Variants in CDC42BPA observed in about 807,000 individuals in gnomAD.
The protein encoded by CDC42BPA is CDC42 binding protein kinase alpha, also known as serine/threonine-protein kinase MRCK alpha.
A neutral mutation model predicts 223.5 loss-of-function variants in CDC42BPA; 80 were observed. The observed-to-expected ratio is 0.36, with a 90% CI of 0.30 to 0.43. The LOEUF (loss-of-function observed/expected upper bound fraction) is 0.43. Ranked by LOEUF, CDC42BPA falls within the 20% of genes least tolerant of loss-of-function variation. The probability of loss-of-function intolerance (pLI) is 1.00; values close to 1 mark genes in which losing one functional copy is unlikely to be tolerated. For synonymous variants in CDC42BPA, 694 were observed against 718.6 expected (o/e 0.97, Z 0.55); for missense variants, 1,743 against 2,099.9 (o/e 0.83, Z 3.32).
chr1:227,067,511 T>A (rs1005751953), intron 21 of CDC42BPA, among the ~76,000 whole-genome samples: 2 of 152,180 alleles, frequency 1.3e-5, no homozygotes, highest in Non-Finnish European at 2.9e-5. Flanking sequence ...TATGGAAATA[T>A]CATATTGAAT....
chr1:226,999,739 C>T (rs11577007), intron 35 of CDC42BPA, among the ~76,000 whole-genome samples: 56,747 of 151,872 alleles, frequency 0.37, 11,334 homozygotes, highest in Non-Finnish European at 0.46. Flanking sequence ...GAAAATGTGG[C>T]ACATATACAC....
At chr1:227,122,301 T>C (rs528545570) in intron 11 of CDC42BPA, among the ~76,000 whole-genome samples, 2 of 152,362 alleles carry the variant, frequency 1.3e-5, no homozygotes, top group Admixed American at 1.3e-4. Flanking sequence ...TTCTTTCTTC[T>C]ACTTCTGAAG....
intron 1 of CDC42BPA, among the ~76,000 whole-genome samples, chr1:227,290,056 A>G (rs780306337): frequency 3.3e-5 from 5 of 152,072 alleles, no homozygotes; most frequent in Admixed American, 6.6e-5. Context: ...AAAAACAAAT[A>G]TATATATTCA....
intron 1 of CDC42BPA, among the ~76,000 whole-genome samples, chr1:227,281,770 T>C (rs1688050512): frequency 6.6e-6 from 1 of 152,192 alleles, no homozygotes; most frequent in Non-Finnish European, 1.5e-5. Context: ...AGATCAGCAC[T>C]GCCCAAAGAC....
chr1:227,281,296 T>C (rs768450544), intron 1 of CDC42BPA, among the ~76,000 whole-genome samples: 4 of 152,162 alleles, frequency 2.6e-5, no homozygotes, highest in African/African-American at 9.7e-5. Context: ...GAGTAGGTCA[T>C]TGCCCTAACC....
intron 14 of CDC42BPA, among the ~76,000 whole-genome samples, chr1:227,105,960 G>A (rs973521368): frequency 2.0e-5 from 3 of 152,158 alleles, no homozygotes; most frequent in African/African-American, 4.8e-5. Context: ...ATATACCTAG[G>A]AGTGGAATGG....
At chr1:227,208,244 T>A (rs962619495) in intron 3 of CDC42BPA, among the ~76,000 whole-genome samples, 1 of 151,580 alleles carries the variant, frequency 6.6e-6, no homozygotes, top group African/African-American at 2.4e-5. Flanking sequence ...TTGAGTTCAT[T>A]GTAGATTCTG....
chr1:227,174,592 A>AC (rs1451827292), intron 5 of CDC42BPA, among the ~76,000 whole-genome samples: 1 of 152,170 alleles, frequency 6.6e-6, no homozygotes, highest in Non-Finnish European at 1.5e-5. Context: ...GGTACACTTT[A>AC]CTCAACCACA....
At chr1:227,273,855 AG>A (rs1686409076) in intron 1 of CDC42BPA, among the ~76,000 whole-genome samples, 1 of 90,038 alleles carries the variant, frequency 1.1e-5, no homozygotes, top group East Asian at 3.9e-4. Context: ...GGAAGAAACA[AG>A]GAAAAAAAAA....
At chr1:227,197,415 T>A (rs1382114530) in intron 4 of CDC42BPA, among the ~76,000 whole-genome samples, 3 of 152,088 alleles carry the variant, frequency 2.0e-5, no homozygotes, top group Non-Finnish European at 4.4e-5. Context: ...ACTACTAGAG[T>A]GTTTCATTCC....
Position 227,005,667 on chromosome 1 carries a change from C to A in CDC42BPA, c.4858-556G>T, listed in dbSNP as rs117134830. On this transcript the variant is annotated intron_variant, in intron 34 of 36. Transcript: ENST00000366766. Reference sequence around the variant, plus strand: ...AAATAAGACGCTGCAATACTCACAACCTAGGTGAAGTTAGTTAATTTGGGA... The same window carrying A: ...AAATAAGACGCTGCAATACTCACAAACTAGGTGAAGTTAGTTAATTTGGGA... 2.6e-3 allele frequency among the ~76,000 whole-genome samples: 391 copies of A among 152,288 alleles called. 9 individuals carry two copies. The East Asian group carries it at 0.048, about 19-fold the overall frequency.
At position 227,216,474 on chromosome 1, in the gene CDC42BPA, G is replaced by A. The variant is rs564118471; in HGVS notation, c.271-3255C>T. On this transcript the variant is annotated intron_variant, in intron 2 of 36. Transcript: ENST00000366766. The stretch of plus-strand genomic sequence containing the variant: ...CTACCTAAAATCTTTTCTGGAATAA[G>A]GTGAGTGTGGTGAAATAAAAGTCAG... Among the ~76,000 whole-genome samples the A allele has an allele frequency of 2.6e-5, 4 of 152,274 alleles. No homozygotes were observed. The South Asian group carries it at 6.2e-4, about 24-fold the overall frequency.
At chr1:227,259,845 A>G (rs1683745441) in intron 1 of CDC42BPA, among the ~76,000 whole-genome samples, 1 of 151,030 alleles carries the variant, frequency 6.6e-6, no homozygotes, top group Admixed American at 6.6e-5. Flanking sequence ...TAAACAAAAC[A>G]GAATCCTTTA....
chr1:227,145,594 A>T lies in CDC42BPA; in HGVS notation c.1038T>A (p.Ile346=), dbSNP rs1294815429. The part of the protein sequence containing the change: ...DFKKHPFFSG[I]DWDNIRNCEA... ...CACAGTTCCGAATATTATCCCAATCAATTCCACTGAAAAATGGGTGTTTCT... is the reference window on the plus strand; with the variant it reads ...CACAGTTCCGAATATTATCCCAATCTATTCCACTGAAAAATGGGTGTTTCT... The change falls in exon 8 of 37, where the codon ATT becomes ATA. Residue 346 remains isoleucine, a synonymous_variant. Transcript: ENST00000366766. 3 of 1,613,826 alleles carry T rather than the reference A, an allele frequency of 1.9e-6. No individual in the cohort carries two copies. The highest frequency in any genetic ancestry group is 1.1e-5 in the South Asian group (1 of 91,074).
chr1:227,101,901 T>C (rs965744077), intron 14 of CDC42BPA, among the ~76,000 whole-genome samples: 1 of 152,034 alleles, frequency 6.6e-6, no homozygotes, highest in Non-Finnish European at 1.5e-5. Flanking sequence ...GAAAAGAAAA[T>C]GTAAAGTCCA....
At position 227,042,297 on chromosome 1, in the gene CDC42BPA, G is replaced by GAGATATATATATATATATATATATATAT. The variant is rs922408596; in HGVS notation, c.3094-2062_3094-2061insATATATATATATATATATATATATATCT. 1.2e-3 allele frequency among the ~76,000 whole-genome samples: 182 copies of GAGATATATATATATATATATATATATAT among 147,674 alleles called. 5 individuals are homozygous for GAGATATATATATATATATATATATATAT. Among genetic ancestry groups the GAGATATATATATATATATATATATATAT allele is most frequent in the African/African-American group, 4.3e-3 (168 of 38,678 alleles). ...TCCCGAATTGCACATATACATATAT[G>GAGATATATATATATATATATATATATAT]ATATATATATATATATATCATACAC... On this transcript the variant is annotated intron_variant, in intron 23 of 36. Transcript: ENST00000366766.
At chr1:227,190,935 A>C (rs1669603210) in intron 5 of CDC42BPA, among the ~76,000 whole-genome samples, 1 of 152,160 alleles carries the variant, frequency 6.6e-6, no homozygotes, top group Non-Finnish European at 1.5e-5. Flanking sequence ...ATAACAGAGA[A>C]ACTAGAGATG....
intron 5 of CDC42BPA, among the ~76,000 whole-genome samples, chr1:227,170,771 A>C (rs2149922557): frequency 6.6e-6 from 1 of 152,340 alleles, no homozygotes; most frequent in East Asian, 1.9e-4. Context: ...GGCTGACTGA[A>C]GCTTTGGCCT....
chr1:227,201,240 G>T (rs1220293029), intron 3 of CDC42BPA, among the ~76,000 whole-genome samples: 1 of 151,952 alleles, frequency 6.6e-6, no homozygotes, highest in East Asian at 1.9e-4. Context: ...CAGGCTCCTG[G>T]GCTCAAGTGA....
Sources: allele counts gnomAD v4.1 joint callset (sites outside exome capture counted in the v4.1 genomes callset), GRCh38; gene constraint gnomAD v4.1.1; transcripts MANE v1.5; gene names NCBI Gene and HGNC (gene_info 2026-07-23, HGNC 2026-07-21).